The following C6 variants were observed in gnomAD, a reference collection of about 807,000 sequenced individuals.
The protein encoded by C6 is complement C6.
Under a neutral mutation model 112.9 loss-of-function variants are expected in C6, and 101 were observed. That is an observed-to-expected ratio of 0.89 (90% confidence interval 0.76 to 1.06). C6 has a LOEUF of 1.06. C6 is among the 50% of genes least tolerant of loss of function. The probability of loss-of-function intolerance (pLI) is 0.00; values close to 1 mark genes in which losing one functional copy is unlikely to be tolerated. For synonymous variants in C6, 431 were observed against 384.1 expected, an observed-to-expected ratio of 1.12 and a Z score of -1.43; for missense variants, 1,202 against 1,104.6, an observed-to-expected ratio of 1.09 and a Z score of -1.25.
intron 14 of C6, among the ~76,000 whole-genome samples, 195 bp from the exon 15 acceptor site, chr5:41,154,193 C>T (rs1455785468): frequency 6.6e-6 from 1 of 152,182 alleles, no homozygotes. Context: ...GAAAAATTCC[C>T]TTTAGTTTCA....
rs372082166 is a variant in C6 at position 41,243,144 on chromosome 5, T to A, written c.-21+18050A>T. Among the ~76,000 whole-genome samples, 4 of 152,186 alleles carry A rather than the reference T, an allele frequency of 2.6e-5. No individual in the cohort carries two copies. In the South Asian group the frequency reaches 8.3e-4, roughly 31 times the overall value. Reference sequence around the variant, plus strand: ...TTTCAAAATTGCTAAGTGACTAAGTTTCAAATGTTCTCATCACAAAAAAAG... The same window carrying A: ...TTTCAAAATTGCTAAGTGACTAAGTATCAAATGTTCTCATCACAAAAAAAG... On this transcript the variant is annotated intron_variant, in intron 1 of 17. Transcript: ENST00000263413.
At chr5:41,211,859 A>C (rs2150393486) in intron 1 of C6, among the ~76,000 whole-genome samples, 1 of 152,328 alleles carries the variant, frequency 6.6e-6, no homozygotes, top group South Asian at 2.1e-4. Flanking sequence ...GTTAAATTGC[A>C]AGAGATTACT....
At chr5:41,158,914 C>T in intron 12 of C6, 129 bp from the exon 13 acceptor site, 2 of 1,051,074 alleles carry the variant, frequency 1.9e-6, no homozygotes, top group South Asian at 1.3e-5. Context: ...ACATTACACA[C>T]AGAAAAAGGC....
chr5:41,168,072 C>T (rs1248928066), intron 9 of C6, among the ~76,000 whole-genome samples: 1 of 152,098 alleles, frequency 6.6e-6, no homozygotes, highest in African/African-American at 2.4e-5. Flanking sequence ...ACAATCATAA[C>T]TGAAAAATTA....
At chr5:41,154,022 T>A (rs372406059) in intron 14 of C6, 24 bp from the exon 15 acceptor site, 3 of 1,608,360 alleles carry the variant, frequency 1.9e-6, no homozygotes, top group Admixed American at 3.3e-5. Flanking sequence ...ACATTTCATA[T>A]GTGTTTAGTG....
At chr5:41,195,002 T>C (rs191022074) in intron 5 of C6, among the ~76,000 whole-genome samples, 1 of 152,310 alleles carries the variant, frequency 6.6e-6, no homozygotes, top group African/African-American at 2.4e-5. Context: ...AAGTCTGGAT[T>C]TGAATCCTGG....
At chr5:41,236,443 C>T (rs189067720) in intron 1 of C6, among the ~76,000 whole-genome samples, 47 of 150,776 alleles carry the variant, frequency 3.1e-4, no homozygotes, top group African/African-American at 1.1e-3. Context: ...CGCTCAACTA[C>T]ATGGAAACTG....
intron 10 of C6, among the ~76,000 whole-genome samples, chr5:41,161,014 C>T (rs1279613363): frequency 1.3e-5 from 2 of 152,120 alleles, no homozygotes; most frequent in Non-Finnish European, 2.9e-5. Context: ...TCATTTTTCT[C>T]CCATAACATG....
intron 9 of C6, 86 bp downstream of exon 9, chr5:41,172,139 A>C (rs897212094): frequency 7.3e-7 from 1 of 1,370,804 alleles, no homozygotes; most frequent in African/African-American, 1.4e-5. Context: ...AAAGCTAAAA[A>C]TAGCACAGTC....
At chr5:41,224,987 T>C (rs1739399576) in intron 1 of C6, among the ~76,000 whole-genome samples, 1 of 152,200 alleles carries the variant, frequency 6.6e-6, no homozygotes, top group Non-Finnish European at 1.5e-5. Context: ...TGATGGCTAA[T>C]CATGTTGAGC....
In C6 at chr5:41,205,958, A is replaced by G. The variant is rs112537911; in HGVS notation, c.-20-2708T>C. 8.1e-3 allele frequency among the ~76,000 whole-genome samples: 1,239 copies of G among 152,242 alleles called. 18 individuals are homozygous for G. Among genetic ancestry groups the G allele is most frequent in the African/African-American group, 0.028 (1,161 of 41,528 alleles). The stretch of plus-strand genomic sequence containing the variant: ...TGACCCCCGAGTAGCCTAACTGGGA[A>G]ACACCTCCCAGTACGGGCCGACTGA... On this transcript the variant is annotated intron_variant, in intron 1 of 17. Transcript: ENST00000337836.
chr5:41,205,727 C>T (rs766895574), intron 1 of C6, among the ~76,000 whole-genome samples: 5 of 152,208 alleles, frequency 3.3e-5, no homozygotes, highest in Non-Finnish European at 5.9e-5. Context: ...CTGGGAATCT[C>T]GAACCTGGTG....
chr5:41,203,073 A>G lies in C6; in HGVS notation c.143+15T>C. On this transcript the variant is annotated intron_variant, in intron 2 of 17. Transcript: ENST00000337836. Reference sequence around the variant, plus strand: ...CTTCCAGGACACAAAGAAAAGCCACAAAGCTCACACCCACCTGTGTCTGCT... The same window carrying G: ...CTTCCAGGACACAAAGAAAAGCCACGAAGCTCACACCCACCTGTGTCTGCT... The G allele has an allele frequency of 1.9e-6, 3 of 1,613,736 alleles. No homozygotes were observed. The highest frequency in any genetic ancestry group is 2.2e-5 in the South Asian group (2 of 91,062).
At chr5:41,192,896 G>C (rs1166638040) in intron 5 of C6, among the ~76,000 whole-genome samples, 1 of 152,102 alleles carries the variant, frequency 6.6e-6, no homozygotes, top group Non-Finnish European at 1.5e-5. Context: ...AATGAAGCTT[G>C]ATATCTAATA....
At chr5:41,179,671 A>G (rs954743524) in intron 7 of C6, among the ~76,000 whole-genome samples, 24 of 148,198 alleles carry the variant, frequency 1.6e-4, no homozygotes, top group African/African-American at 5.4e-4. Context: ...TATATATAAA[A>G]TATATGTTAT....
chr5:41,234,338 G>GTTTTTTTT (rs544459678), intron 1 of C6, among the ~76,000 whole-genome samples: 8 of 127,784 alleles, frequency 6.3e-5, no homozygotes, highest in African/African-American at 2.3e-4. Context: ...CTACCCTTTC[G>GTTTTTTTT]TTTTTTTTTT....
intron 15 of C6, among the ~76,000 whole-genome samples, chr5:41,150,271 AC>A: frequency 6.6e-6 from 1 of 152,204 alleles, no homozygotes; most frequent in Non-Finnish European, 1.5e-5. Context: ...AGAAAATGGA[AC>A]TGTTGAAATT....
At chr5:41,172,156 A>G (rs912876618) in intron 9 of C6, 69 bp downstream of exon 9, 1 of 1,505,716 alleles carries the variant, frequency 6.6e-7, no homozygotes, top group Admixed American at 1.7e-5. Context: ...AGTCACATCC[A>G]ATATGGTCTG....
At chr5:41,254,320 G>T (rs1217771049) in intron 1 of C6, among the ~76,000 whole-genome samples, 1 of 152,046 alleles carries the variant, frequency 6.6e-6, no homozygotes, top group Non-Finnish European at 1.5e-5. Context: ...GCAGGAGAAT[G>T]GCGTGAACCC....
Sources: gnomAD v4.1 joint callset for allele counts (sites outside exome capture counted in the v4.1 genomes callset) on GRCh38, gnomAD v4.1.1 for gene constraint, MANE v1.5 for transcripts, NCBI Gene and HGNC (gene_info 2026-07-23, HGNC 2026-07-21) for gene names.